Variants in PRTG observed in about 807,000 individuals in gnomAD.
The protein encoded by PRTG is protogenin.
PRTG carries 67 observed loss-of-function variants against 122.5 expected under a neutral mutation model. The ratio of observed to expected loss-of-function variants is 0.55; its 90% CI spans 0.45 to 0.67. The LOEUF is 0.67. Among genes scored for constraint, PRTG ranks in the 30% least tolerant of loss-of-function variants. The pLI, the probability that PRTG is intolerant of heterozygous loss-of-function variation, is 0.00. For missense variants in PRTG, 1,435 were observed against 1,415.4 expected, an observed-to-expected ratio of 1.01 and a Z score of -0.22; for synonymous variants, 554 against 501.1, an observed-to-expected ratio of 1.11 and a Z score of -1.41.
chr15:55,628,654 G>A (rs1245723733), intron 16 of PRTG, among the ~76,000 whole-genome samples, 168 bp downstream of exon 16: 2 of 152,176 alleles, frequency 1.3e-5, no homozygotes, highest in African/African-American at 2.4e-5. Flanking sequence ...CCTTCTAGGA[G>A]TATGAGGAAA....
At chr15:55,689,087 C>T (rs1379233929) in intron 2 of PRTG, among the ~76,000 whole-genome samples, 1 of 152,190 alleles carries the variant, frequency 6.6e-6, no homozygotes, top group East Asian at 1.9e-4. Flanking sequence ...CTATCAGCCT[C>T]TTATCTTGTT....
At position 55,619,221 on chromosome 15, in the gene PRTG, C is replaced by T. The variant is rs1422034395; in HGVS notation, c.*791G>A. 1.3e-5 allele frequency: 2 copies of T among 152,092 alleles called. No homozygotes were observed. The highest frequency in any genetic ancestry group is 2.9e-5 in the Non-Finnish European group (2 of 68,044). 9.4% of individuals were successfully genotyped at this position (152,092 alleles called of 1,614,324 possible). A position where few individuals can be genotyped will look rare whatever the true frequency, so the allele number is the denominator to read the frequency against. Reference sequence around the variant, plus strand: ...ACTCTAATGCCCAAAACATAAAGGCCTTTTAAGCAAAATGATCCCTACCTG... The same window carrying T: ...ACTCTAATGCCCAAAACATAAAGGCTTTTTAAGCAAAATGATCCCTACCTG... On this transcript the variant is annotated 3_prime_UTR_variant, in exon 20 of 20. Transcript: ENST00000389286.
At chr15:55,683,745 A>T (rs751823332) in intron 3 of PRTG, 42 bp downstream of exon 3, 2 of 1,552,888 alleles carry the variant, frequency 1.3e-6, no homozygotes, top group Non-Finnish European at 1.8e-6. Context: ...TGAAGTCTTC[A>T]TTACTCCCAT....
intron 15 of PRTG, among the ~76,000 whole-genome samples, chr15:55,629,385 G>GTT: frequency 1.2e-5 from 1 of 86,706 alleles, no homozygotes; most frequent in East Asian, 2.3e-4. Context: ...ATGTGTGTGT[G>GTT]TGTGTGTGTG....
intron 11 of PRTG, among the ~76,000 whole-genome samples, chr15:55,662,272 G>GT (rs2059414462): frequency 2.0e-5 from 3 of 152,066 alleles, no homozygotes; most frequent in African/African-American, 7.2e-5. Context: ...CAAGTAAAAG[G>GT]TATTTCTTCT....
chr15:55,637,108 TTTTG>T, intron 15 of PRTG, 58 bp downstream of exon 15: 1 of 1,250,794 alleles, frequency 8.0e-7, no homozygotes, highest in Non-Finnish European at 1.1e-6. Flanking sequence ...TCCCCTTTCC[TTTTG>T]TTTCTTTAAT....
At chr15:55,641,368 G>A (rs774356824) in intron 11 of PRTG, among the ~76,000 whole-genome samples, 160 bp from the exon 12 acceptor site, 66 of 152,240 alleles carry the variant, frequency 4.3e-4, no homozygotes, top group Non-Finnish European at 6.5e-4. Flanking sequence ...ATCCACCTTC[G>A]TATGACACTG....
intron 11 of PRTG, among the ~76,000 whole-genome samples, chr15:55,652,085 A>C (rs1391753429): frequency 6.6e-6 from 1 of 152,222 alleles, no homozygotes; most frequent in Non-Finnish European, 1.5e-5. Flanking sequence ...TTATTTGAAA[A>C]TGACTATGTA....
At chr15:55,649,427 C>CA (rs11427789) in intron 11 of PRTG, among the ~76,000 whole-genome samples, 148,494 of 152,246 alleles carry the variant, frequency 0.98, 72,535 homozygotes, top group East Asian at 1. Context: ...TAATTTAATT[C>CA]CATGAAGTGC....
intron 15 of PRTG, among the ~76,000 whole-genome samples, chr15:55,636,735 C>T (rs961845373): frequency 2.6e-5 from 4 of 151,938 alleles, no homozygotes; most frequent in African/African-American, 9.7e-5. Context: ...GCAACTCCGC[C>T]TCCTGGGTTC....
chr15:55,682,571 T>TATTTATTTATTC (rs1448583430), intron 3 of PRTG, 74 bp from the exon 4 acceptor site: 1 of 597,562 alleles, frequency 1.7e-6, no homozygotes, highest in Non-Finnish European at 2.3e-6. Flanking sequence ...TTTATTTATT[T>TATTTATTTATTC]ATTTATTTAT....
In PRTG at chr15:55,614,534, T is replaced by A. The variant is rs1365391016; in HGVS notation, c.*5478A>T. The A allele has an allele frequency of 6.6e-6, 1 of 152,136 alleles. No individual in the cohort carries two copies. Among genetic ancestry groups the A allele is most frequent in the African/African-American group, 2.4e-5 (1 of 41,456 alleles). The allele number at this position is 152,136 out of a possible 1,614,324, so 9.4% of individuals were successfully genotyped here. A position where few individuals can be genotyped will look rare whatever the true frequency, so the allele number is the denominator to read the frequency against. Reference sequence around the variant, plus strand: ...TTCCCCCAACTCTTCCCCAGCAACATAACCACTGAAGAGAAAAGGAGAAAG... The same window carrying A: ...TTCCCCCAACTCTTCCCCAGCAACAAAACCACTGAAGAGAAAAGGAGAAAG... On this transcript the variant is annotated 3_prime_UTR_variant, in exon 20 of 20. Coordinates refer to ENST00000389286, the MANE Select transcript of PRTG (RefSeq NM_173814.6).
chr15:55,672,094 T>G (rs1164959759), intron 11 of PRTG, among the ~76,000 whole-genome samples: 1 of 152,226 alleles, frequency 6.6e-6, no homozygotes, highest in East Asian at 1.9e-4. Context: ...CCACTGAGTA[T>G]GATTTGGTGA....
intron 2 of PRTG, among the ~76,000 whole-genome samples, chr15:55,712,742 C>T (rs975187910): frequency 6.6e-6 from 1 of 152,130 alleles, no homozygotes; most frequent in South Asian, 2.1e-4. Flanking sequence ...CAACTTCATG[C>T]AAATTCGTTA....
intron 18 of PRTG, among the ~76,000 whole-genome samples, chr15:55,622,052 C>T (rs1307681313): frequency 6.6e-6 from 1 of 151,988 alleles, no homozygotes; most frequent in Non-Finnish European, 1.5e-5. Flanking sequence ...AGATACTCTC[C>T]AAATGTGTCT....
intron 11 of PRTG, among the ~76,000 whole-genome samples, chr15:55,648,734 T>C (rs982941154): frequency 6.6e-6 from 1 of 152,202 alleles, no homozygotes; most frequent in South Asian, 2.1e-4. Flanking sequence ...CCTGATGAAA[T>C]AGCAGTAAAA....
chr15:55,617,030 C>T lies in PRTG; in HGVS notation c.*2982G>A, dbSNP rs1429974579. On this transcript the variant is annotated 3_prime_UTR_variant, in exon 20 of 20. Coordinates refer to ENST00000389286, the MANE Select transcript of PRTG (RefSeq NM_173814.6). ...CATCTTTGGAAAAGAAAATAGTTAC[C>T]ATTTGCATATTAGCCCCTTTGAAGT... 1 of 151,978 alleles carries T rather than the reference C, an allele frequency of 6.6e-6. No individual in the cohort carries two copies. The highest frequency in any genetic ancestry group is 1.5e-5 in the Non-Finnish European group (1 of 67,932). 9.4% of individuals were successfully genotyped at this position (151,978 alleles called of 1,614,324 possible).
intron 15 of PRTG, among the ~76,000 whole-genome samples, chr15:55,629,395 G>A (rs868827031): frequency 2.7e-5 from 3 of 109,424 alleles, no homozygotes; most frequent in African/African-American, 4.7e-5. Context: ...GTGTGTGTGT[G>A]TGTGTGTGTG....
Position 55,624,354 on chromosome 15 carries a change from G to A in PRTG, c.3081C>T (p.Phe1027=), listed in dbSNP as rs1417084261. The A allele has an allele frequency of 1.2e-6, 2 of 1,613,946 alleles. No individual in the cohort carries two copies. Among genetic ancestry groups the A allele is most frequent in the Admixed American group, 1.7e-5 (1 of 60,014 alleles). ...SLMPMIMPNS[F]IDAKGGTDLI... The stretch of plus-strand genomic sequence containing the variant: ...CGCAGCTCAGTACCTTTGCATCAAT[G>A]AAGCTGTTTGGCATGATCATTGGCA... The change falls in exon 18 of 20, where the codon TTC becomes TTT. Residue 1027 remains phenylalanine, a synonymous_variant. Transcript: ENST00000389286.
Sources: allele counts gnomAD v4.1 joint callset (sites outside exome capture counted in the v4.1 genomes callset), GRCh38; gene constraint gnomAD v4.1.1; transcripts MANE v1.5; gene names NCBI Gene and HGNC (gene_info 2026-07-23, HGNC 2026-07-21).